PPP1R12A: variants seen among roughly 807,000 people sequenced by gnomAD.
PPP1R12A encodes the protein protein phosphatase 1 regulatory subunit 12A.
In PPP1R12A, 19 loss-of-function variants were observed where a neutral mutation model predicts 139.6. The observed-to-expected ratio is 0.14, with a 90% CI of 0.09 to 0.20. The LOEUF (loss-of-function observed/expected upper bound fraction) is 0.20. Among genes scored for constraint, PPP1R12A ranks in the 10% least tolerant of loss-of-function variants. The probability of loss-of-function intolerance (pLI) is 1.00; values close to 1 mark genes in which losing one functional copy is unlikely to be tolerated. For synonymous variants in PPP1R12A, 427 were observed against 420.6 expected, an observed-to-expected ratio of 1.02 and a Z score of -0.19; for missense variants, 925 against 1,211.5, an observed-to-expected ratio of 0.76 and a Z score of 3.51.
At position 79,934,974 on chromosome 12, in the gene PPP1R12A, G is replaced by GGGGGAGGCGGAGAGGGAAGAGA; in HGVS notation, c.-65_-44dup. On this transcript the variant is annotated 5_prime_UTR_variant, in exon 1 of 25. Coordinates refer to ENST00000450142, the MANE Select transcript of PPP1R12A (RefSeq NM_002480.3). Reference sequence around the variant, plus strand: ...GGTCTTCTTATCGCGAGGGGGGGAAGGGGGAGGCGGAGAGGGAAGAGAGGG... The same window carrying GGGGGAGGCGGAGAGGGAAGAGA: ...GGTCTTCTTATCGCGAGGGGGGGAAGGGGGAGGCGGAGAGGGAAGAGAGGGGAGGCGGAGAGGGAAGAGAGGG... 3.3e-6 allele frequency: 5 copies of GGGGGAGGCGGAGAGGGAAGAGA among 1,538,348 alleles called. No individual in the cohort carries two copies. Among genetic ancestry groups the GGGGGAGGCGGAGAGGGAAGAGA allele is most frequent in the Non-Finnish European group, 3.5e-6 (4 of 1,139,276 alleles).
chr12:79,821,268 A>G (rs1876063202), intron 6 of PPP1R12A, 102 bp from the exon 7 acceptor site: 5 of 760,574 alleles, frequency 6.6e-6, no homozygotes, highest in Admixed American at 5.3e-5. Context: ...CAGACATTAA[A>G]TAAGACAAAA....
chr12:79,805,885 G>A, intron 13 of PPP1R12A, 117 bp from the exon 14 acceptor site: 1 of 1,134,526 alleles, frequency 8.8e-7, no homozygotes, highest in South Asian at 1.7e-5. Flanking sequence ...TAAAACGCAA[G>A]GTGAGACATC....
intron 2 of PPP1R12A, among the ~76,000 whole-genome samples, chr12:79,856,549 T>C (rs1592721632): frequency 6.6e-6 from 1 of 152,256 alleles, no homozygotes; most frequent in South Asian, 2.1e-4. Context: ...ATAAATGATA[T>C]CCGTAATGTG....
intron 9 of PPP1R12A, among the ~76,000 whole-genome samples, chr12:79,813,946 C>A (rs1319128592): frequency 6.6e-6 from 1 of 152,116 alleles, no homozygotes; most frequent in African/African-American, 2.4e-5. Context: ...AACTTGATAA[C>A]TTTATCTAAA....
At chr12:79,916,731 A>G (rs1019160299) in intron 1 of PPP1R12A, among the ~76,000 whole-genome samples, 2 of 152,208 alleles carry the variant, frequency 1.3e-5, no homozygotes, top group African/African-American at 2.4e-5. Context: ...AAAGGTTCAG[A>G]GAAAAGGCAA....
intron 1 of PPP1R12A, among the ~76,000 whole-genome samples, chr12:79,892,299 T>G (rs1051058060): frequency 6.6e-6 from 1 of 152,176 alleles, no homozygotes; most frequent in Non-Finnish European, 1.5e-5. Context: ...CTCCATTTCT[T>G]AAACATGCCC....
At chr12:79,914,364 T>C (rs1886827062) in intron 1 of PPP1R12A, among the ~76,000 whole-genome samples, 1 of 152,010 alleles carries the variant, frequency 6.6e-6, no homozygotes, top group African/African-American at 2.4e-5. Flanking sequence ...AATCAGAATA[T>C]TAACATTGAT....
chr12:79,874,827 G>C (rs1457123210), intron 1 of PPP1R12A, among the ~76,000 whole-genome samples: 1 of 152,076 alleles, frequency 6.6e-6, no homozygotes, highest in Non-Finnish European at 1.5e-5. Flanking sequence ...CCCCACAATT[G>C]TTCCTAAAAT....
chr12:79,825,606 A>G (rs1876665940), intron 5 of PPP1R12A: 1 of 151,848 alleles, frequency 6.6e-6, no homozygotes, highest in African/African-American at 2.4e-5. Context: ...TATTTGTTAC[A>G]CTTACTATAT....
intron 1 of PPP1R12A, among the ~76,000 whole-genome samples, chr12:79,917,220 C>T (rs915920834): frequency 1.3e-5 from 2 of 152,128 alleles, no homozygotes; most frequent in African/African-American, 2.4e-5. Flanking sequence ...GGCACAGTGG[C>T]TCATGCCTGT....
chr12:79,910,079 G>A (rs766690458), intron 1 of PPP1R12A, among the ~76,000 whole-genome samples: 19 of 152,098 alleles, frequency 1.2e-4, no homozygotes, highest in Non-Finnish European at 1.8e-4. Context: ...ATTTGGATGC[G>A]GATAAAGAAG....
intron 1 of PPP1R12A, among the ~76,000 whole-genome samples, chr12:79,915,609 C>A (rs1009095195): frequency 2.0e-5 from 3 of 152,118 alleles, no homozygotes; most frequent in Non-Finnish European, 2.9e-5. Flanking sequence ...CTACACTCAT[C>A]CATTTTTAAT....
At chr12:79,899,542 T>C (rs1885444452) in intron 1 of PPP1R12A, among the ~76,000 whole-genome samples, 1 of 152,122 alleles carries the variant, frequency 6.6e-6, no homozygotes, top group South Asian at 2.1e-4. Context: ...GATTCATTCA[T>C]GTTGTTGTGG....
At chr12:79,777,572 T>C in intron 24 of PPP1R12A, 1 of 985,198 alleles carries the variant, frequency 1.0e-6, no homozygotes. Context: ...TGGCTACCAC[T>C]CTTGTCAAGG....
chr12:79,796,831 T>C lies in PPP1R12A; in HGVS notation c.2412A>G (p.Val804=). The part of the protein sequence containing the change: ...SSQLNRPNSL[V]GITSAYSRGI... ...CTCTGGAGTAAGCAGAAGTTATGCC[T>C]ACAAGACTATTTGGCCTGTTTAGTT... The change falls in exon 17 of 25, where the codon GTA becomes GTG. Residue 804 remains valine (V), a synonymous_variant. Coordinates refer to ENST00000450142, the MANE Select transcript of PPP1R12A (RefSeq NM_002480.3). The C allele has an allele frequency of 6.2e-7, 1 of 1,611,914 alleles. No individual in the cohort carries two copies. The highest frequency in any genetic ancestry group is 8.5e-7 in the Non-Finnish European group (1 of 1,178,256).
At chr12:79,924,481 T>TGCAGTG (rs1170015311) in intron 1 of PPP1R12A, among the ~76,000 whole-genome samples, 1 of 152,230 alleles carries the variant, frequency 6.6e-6, no homozygotes, top group African/African-American at 2.4e-5. Flanking sequence ...CAGGCTAGAA[T>TGCAGTG]GCAGTGGCGT....
intron 3 of PPP1R12A, among the ~76,000 whole-genome samples, chr12:79,843,613 TATAGATATAGATATAG>T (rs1879022614): frequency 3.0e-5 from 1 of 33,562 alleles, no homozygotes; most frequent in African/African-American, 1.7e-4. Context: ...CAAAAAAAAA[TATAGATATAGATATAG>T]ATATAGATAT....
At chr12:79,808,669 A>G in intron 10 of PPP1R12A, 92 bp from the exon 11 acceptor site, 2 of 627,406 alleles carry the variant, frequency 3.2e-6, no homozygotes, top group South Asian at 2.5e-5. Context: ...TTCAATAATT[A>G]TAATTACATA....
chr12:79,863,956 C>A (rs1881668512), intron 2 of PPP1R12A, among the ~76,000 whole-genome samples: 1 of 152,052 alleles, frequency 6.6e-6, no homozygotes, highest in Admixed American at 6.6e-5. Context: ...CAAGGATATC[C>A]AGGACTTGAA....
Sources: allele counts gnomAD v4.1 joint callset (sites outside exome capture counted in the v4.1 genomes callset), GRCh38; gene constraint gnomAD v4.1.1; transcripts MANE v1.5; gene names NCBI Gene and HGNC (gene_info 2026-07-23, HGNC 2026-07-21).